The following THADA variants were observed in gnomAD, a reference collection of about 807,000 sequenced individuals.
The protein encoded by THADA is THADA armadillo repeat containing.
Under a neutral mutation model 219.8 loss-of-function variants are expected in THADA, and 213 were observed. That is an observed-to-expected ratio of 0.97 (90% CI 0.87 to 1.09). The LOEUF (loss-of-function observed/expected upper bound fraction) is 1.09, where lower values mean the gene tolerates loss of function less well. Among genes scored for constraint, THADA ranks in the 50% least tolerant of loss-of-function variants. The pLI is 0.00. For missense variants in THADA, 2,956 were observed against 2,311.3 expected (o/e 1.28, Z -5.72); for synonymous variants, 1,018 against 828.9 (o/e 1.23, Z -3.92).
chr2:43,378,628 T>C (rs1318706891), intron 29 of THADA, among the ~76,000 whole-genome samples: 3 of 152,168 alleles, frequency 2.0e-5, no homozygotes, highest in Non-Finnish European at 4.4e-5. Flanking sequence ...CTTTTTGAGA[T>C]GGAGTCTTGC....
chr2:43,548,292 A>G (rs1386392246), intron 20 of THADA, among the ~76,000 whole-genome samples: 2 of 152,194 alleles, frequency 1.3e-5, no homozygotes, highest in Non-Finnish European at 2.9e-5. Flanking sequence ...GGTGCCTCCC[A>G]GTTAGGCTGC....
chr2:43,430,716 G>C (rs1343702526), intron 26 of THADA: 3 of 451,618 alleles, frequency 6.6e-6, no homozygotes, highest in African/African-American at 4.0e-5. Flanking sequence ...ACCAATGACA[G>C]TTTGGACCAA....
intron 30 of THADA, among the ~76,000 whole-genome samples, chr2:43,328,825 T>C (rs1396177789): frequency 6.6e-6 from 1 of 152,218 alleles, no homozygotes; most frequent in Non-Finnish European, 1.5e-5. Flanking sequence ...TCCCTTAGGA[T>C]TGCTGCTGCT....
rs534469194 is a variant in THADA at position 43,232,319 on chromosome 2, C to T, written c.5466+394G>A. On this transcript the variant is annotated intron_variant, in intron 37 of 37. Coordinates refer to ENST00000405975, the MANE Select transcript of THADA (RefSeq NM_022065.5). ...TCAGCCTCCCGAGTAGCTGGGACTA[C>T]AGGCACCCACCACCATGCCCGGCTA... 5.6e-4 allele frequency among the ~76,000 whole-genome samples: 85 copies of T among 152,296 alleles called. 1 individual carries two copies. The South Asian group carries it at 0.017, about 30-fold the overall frequency.
chr2:43,571,623 G>A (rs1699311967), intron 13 of THADA, 84 bp downstream of exon 13: 41 of 1,404,026 alleles, frequency 2.9e-5, no homozygotes, highest in East Asian at 4.6e-5. Flanking sequence ...ATTCCCACAC[G>A]CTCCCAAAAT....
At chr2:43,409,079 CATTA>C (rs1675955121) in intron 28 of THADA, among the ~76,000 whole-genome samples, 1 of 152,186 alleles carries the variant, frequency 6.6e-6, no homozygotes, top group African/African-American at 2.4e-5. Context: ...TCTAGAATCT[CATTA>C]ATTATTTTGC....
Position 43,453,297 on chromosome 2 carries a change from C to T in THADA, c.3837-22995G>A, listed in dbSNP as rs550792607. On this transcript the variant is annotated intron_variant, in intron 26 of 37. Transcript: ENST00000405975. ...AGAAGTGGACATCCATCTCAGACTG[C>T]AGGAATTAGTCTTCCTTCTGAAGAA... Among the ~76,000 whole-genome samples the T allele has an allele frequency of 2.1e-3, 314 of 152,306 alleles. 1 individual carries two copies. Among genetic ancestry groups the T allele is most frequent in the African/African-American group, 7.1e-3 (296 of 41,562 alleles).
intron 28 of THADA, among the ~76,000 whole-genome samples, chr2:43,399,271 T>C (rs564168190): frequency 5.1e-4 from 78 of 152,352 alleles, no homozygotes; most frequent in African/African-American, 1.8e-3. Flanking sequence ...CGGTAGACTC[T>C]GTAGGGGAAA....
chr2:43,297,247 G>A (rs1675544732), intron 31 of THADA, among the ~76,000 whole-genome samples: 2 of 111,452 alleles, frequency 1.8e-5, no homozygotes, highest in African/African-American at 9.0e-5. Context: ...TCTGGGAGGT[G>A]AGGAGCGTCT....
At chr2:43,499,056 A>G (rs1688612854) in intron 24 of THADA, 101 bp from the exon 25 acceptor site, 3 of 1,211,896 alleles carry the variant, frequency 2.5e-6, no homozygotes, top group Admixed American at 6.3e-5. Flanking sequence ...AAATTTACTG[A>G]ATTACAAGAA....
chr2:43,571,713 AAG>A lies in THADA; in HGVS notation c.2056_2057del (p.Leu686Ter). ...TTCTGATGGGAAATTCTACCTTTTT[AAG>A]AAGAGAACAGATCTGTTGCCGCACT... ...PGVRQQICSLLKKLFCRIQES... is the reference protein window; with the variant it reads ...PGVRQQICSLXKKLFCRIQES... On this transcript the variant is annotated frameshift_variant, in exon 13 of 38. Coordinates refer to ENST00000405975, the MANE Select transcript of THADA (RefSeq NM_022065.5). LOFTEE classifies it high-confidence loss of function. The A allele has an allele frequency of 6.2e-7, 1 of 1,607,632 alleles. No homozygotes were observed. Among genetic ancestry groups the A allele is most frequent in the Non-Finnish European group, 8.5e-7 (1 of 1,177,172 alleles).
chr2:43,453,547 G>C (rs1243507286), intron 26 of THADA, among the ~76,000 whole-genome samples: 2 of 152,196 alleles, frequency 1.3e-5, no homozygotes, highest in Admixed American at 1.3e-4. Context: ...GCAGCAGTAA[G>C]TAGGTTGGTT....
At chr2:43,387,850 C>A (rs934507294) in intron 29 of THADA, among the ~76,000 whole-genome samples, 2 of 152,170 alleles carry the variant, frequency 1.3e-5, no homozygotes, top group Non-Finnish European at 2.9e-5. Context: ...GGTAGCAATA[C>A]AGAGAAATGC....
At chr2:43,571,922 C>T in intron 12 of THADA, 60 bp from the exon 13 acceptor site, 2 of 1,535,862 alleles carry the variant, frequency 1.3e-6, no homozygotes, top group Non-Finnish European at 1.8e-6. Flanking sequence ...GCCTAAATCA[C>T]TTGAATTGCT....
chr2:43,594,156 C>G (rs1701893646), intron 1 of THADA, among the ~76,000 whole-genome samples: 1 of 152,162 alleles, frequency 6.6e-6, no homozygotes, highest in Non-Finnish European at 1.5e-5. Context: ...GACTTCTACA[C>G]TTACCTCCAA....
chr2:43,398,576 T>A (rs561932335), intron 28 of THADA, among the ~76,000 whole-genome samples: 1 of 151,948 alleles, frequency 6.6e-6, no homozygotes, highest in African/African-American at 2.4e-5. Flanking sequence ...CGAGACAGTA[T>A]AGGAAAAGTG....
Position 43,286,991 on chromosome 2 carries a change from A to G in THADA, c.5081T>C (p.Leu1694Pro). The part of the protein sequence containing the change: ...QLVILSCEDH[L>P]PTESRLAVVE... ...GACGGCCAGCCTAGACTCTGTAGGA[A>G]GATGGTCTTCACATGACAAGATGAC... Residue 1694 changes from leucine (L) to proline (P), a missense_variant, in exon 35 of 38, where the codon CTT becomes CCT. Transcript: ENST00000405975. 1 of 1,614,028 alleles carries G rather than the reference A, an allele frequency of 6.2e-7. No individual in the cohort carries two copies. The highest frequency in any genetic ancestry group is 8.5e-7 in the Non-Finnish European group (1 of 1,179,896).
intron 28 of THADA, among the ~76,000 whole-genome samples, chr2:43,424,830 C>T (rs572363620): frequency 6.6e-6 from 1 of 152,150 alleles, no homozygotes; most frequent in Non-Finnish European, 1.5e-5. Context: ...CAAACCAGTC[C>T]TATAACCCCA....
intron 26 of THADA, among the ~76,000 whole-genome samples, chr2:43,466,375 T>C (rs1362701162): frequency 6.6e-6 from 1 of 152,192 alleles, no homozygotes; most frequent in East Asian, 1.9e-4. Flanking sequence ...CTTGGTTAAC[T>C]TCTACTCATC....
Sources: gnomAD v4.1 joint callset for allele counts (sites outside exome capture counted in the v4.1 genomes callset) on GRCh38, gnomAD v4.1.1 for gene constraint, MANE v1.5 for transcripts, NCBI Gene and HGNC (gene_info 2026-07-23, HGNC 2026-07-21) for gene names.